The following CSMD1 variants were observed in gnomAD, a reference collection of about 807,000 sequenced individuals.
CSMD1 encodes CUB and sushi domain-containing protein 1.
Under a neutral mutation model 417.5 loss-of-function variants are expected in CSMD1, and 213 were observed. The ratio of observed to expected loss-of-function variants is 0.51; its 90% CI spans 0.46 to 0.57. The LOEUF is 0.57. CSMD1 is among the 20% of genes least tolerant of loss of function. CSMD1 has a pLI of 0.00. For missense variants in CSMD1, 6,923 were observed against 4,529.7 expected (o/e 1.53, Z -15.17); for synonymous variants, 2,862 against 1,736.8 (o/e 1.65, Z -16.11).
chr8:4,216,362 A>T lies in CSMD1; in HGVS notation c.416-184263T>A, dbSNP rs183435685. Among the ~76,000 whole-genome samples, 288 of 152,248 alleles carry T rather than the reference A, an allele frequency of 1.9e-3. 2 individuals are homozygous for T. The highest frequency in any genetic ancestry group is 6.7e-3 in the African/African-American group (277 of 41,528). On this transcript the variant is annotated intron_variant, in intron 3 of 69. Transcript: ENST00000635120. Reference sequence around the variant, plus strand: ...CAGTTCCCTTGATCTCATCACTTTTAACATGGTGCACACACCATCAGAATA... The same window carrying T: ...CAGTTCCCTTGATCTCATCACTTTTTACATGGTGCACACACCATCAGAATA...
At chr8:4,843,535 G>C (rs1052624265) in intron 1 of CSMD1, among the ~76,000 whole-genome samples, 1 of 152,082 alleles carries the variant, frequency 6.6e-6, no homozygotes, top group Non-Finnish European at 1.5e-5. Flanking sequence ...GCACCTCCAA[G>C]TCTTCACCAT....
At chr8:4,026,810 T>C (rs969380861) in intron 4 of CSMD1, among the ~76,000 whole-genome samples, 8 of 152,236 alleles carry the variant, frequency 5.3e-5, no homozygotes, top group Admixed American at 3.9e-4. Flanking sequence ...TTAAGATTTA[T>C]GGCTGTAGGG....
intron 2 of CSMD1, among the ~76,000 whole-genome samples, chr8:4,541,843 T>G (rs530843690): frequency 6.6e-6 from 1 of 152,202 alleles, no homozygotes; most frequent in South Asian, 2.1e-4. Flanking sequence ...GACAAAACTG[T>G]ACAGTCAGCA....
chr8:4,837,571 C>T (rs1054338904), intron 1 of CSMD1, among the ~76,000 whole-genome samples: 2 of 151,992 alleles, frequency 1.3e-5, no homozygotes, highest in Non-Finnish European at 2.9e-5. Flanking sequence ...CAATTAAGCT[C>T]ATGAACATAG....
At chr8:4,573,527 T>C (rs904209114) in intron 2 of CSMD1, among the ~76,000 whole-genome samples, 4 of 152,136 alleles carry the variant, frequency 2.6e-5, no homozygotes, top group Non-Finnish European at 4.4e-5. Context: ...AGAGATGCCA[T>C]CCGGAGCTCT....
intron 3 of CSMD1, among the ~76,000 whole-genome samples, chr8:4,270,656 G>A (rs1007625430): frequency 1.3e-5 from 2 of 152,198 alleles, no homozygotes; most frequent in Non-Finnish European, 1.5e-5. Flanking sequence ...AAGATCGCGT[G>A]TCTGCCAATG....
At chr8:3,445,848 G>A (rs117533410) in intron 12 of CSMD1, among the ~76,000 whole-genome samples, 2,032 of 152,278 alleles carry the variant, frequency 0.013, 20 homozygotes, top group Non-Finnish European at 0.022. Flanking sequence ...GAAAGAAAGA[G>A]TATAATTCAA....
intron 3 of CSMD1, among the ~76,000 whole-genome samples, chr8:4,162,222 G>A (rs1797215213): frequency 6.6e-6 from 1 of 152,118 alleles, no homozygotes; most frequent in African/African-American, 2.4e-5. Context: ...TAATTGTTAT[G>A]TTACCAGTAT....
At chr8:3,773,277 T>C (rs1430251451) in intron 5 of CSMD1, among the ~76,000 whole-genome samples, 2 of 152,118 alleles carry the variant, frequency 1.3e-5, no homozygotes, top group African/African-American at 2.4e-5. Context: ...AATTTGGGGA[T>C]ATAATAGGTT....
intron 3 of CSMD1, among the ~76,000 whole-genome samples, chr8:4,246,736 T>C (rs1207512093): frequency 6.6e-6 from 1 of 152,206 alleles, no homozygotes; most frequent in Non-Finnish European, 1.5e-5. Context: ...AATGATTGTA[T>C]TTATTTAAAT....
At chr8:3,396,071 T>C in intron 17 of CSMD1, 123 bp downstream of exon 17, 1 of 778,138 alleles carries the variant, frequency 1.3e-6, no homozygotes, top group Non-Finnish European at 2.1e-6. Context: ...AGTATGGTTT[T>C]GCTAGAGTCA....
At chr8:4,949,657 G>A (rs1211704040) in intron 1 of CSMD1, among the ~76,000 whole-genome samples, 2 of 152,186 alleles carry the variant, frequency 1.3e-5, no homozygotes, top group African/African-American at 4.8e-5. Flanking sequence ...CATGGCAATA[G>A]TGCCAAGGCT....
At chr8:4,133,768 T>G (rs562962219) in intron 3 of CSMD1, among the ~76,000 whole-genome samples, 1 of 152,300 alleles carries the variant, frequency 6.6e-6, no homozygotes, top group East Asian at 1.9e-4. Context: ...CCTGATAATC[T>G]GATTTAAATA....
At chr8:3,549,762 T>A (rs1333878652) in intron 10 of CSMD1, among the ~76,000 whole-genome samples, 1 of 152,132 alleles carries the variant, frequency 6.6e-6, no homozygotes, top group African/African-American at 2.4e-5. Context: ...TACAGTTCCT[T>A]GACTTTGAGT....
intron 10 of CSMD1, among the ~76,000 whole-genome samples, chr8:3,509,026 C>T (rs929832169): frequency 6.6e-6 from 1 of 152,208 alleles, no homozygotes. Flanking sequence ...TGCAAGCTAT[C>T]TGACCTTGGG....
At chr8:4,140,770 T>G (rs1438467012) in intron 3 of CSMD1, among the ~76,000 whole-genome samples, 1 of 150,962 alleles carries the variant, frequency 6.6e-6, no homozygotes, top group Non-Finnish European at 1.5e-5. Flanking sequence ...CCCTCCAGCT[T>G]TGCTCTCCCC....
chr8:3,280,790 A>AT (rs10626554), intron 26 of CSMD1, among the ~76,000 whole-genome samples: 99 of 91,452 alleles, frequency 1.1e-3, no homozygotes, highest in African/African-American at 2.1e-3. Context: ...AAACACTAAT[A>AT]ATTAATTATA....
chr8:3,579,904 G>C (rs904708682), intron 9 of CSMD1, among the ~76,000 whole-genome samples: 6 of 152,162 alleles, frequency 3.9e-5, no homozygotes, highest in Non-Finnish European at 8.8e-5. Context: ...AGGAGTTTGA[G>C]ACCAGCATGG....
At chr8:4,491,974 T>A (rs1244549399) in intron 2 of CSMD1, among the ~76,000 whole-genome samples, 1 of 151,098 alleles carries the variant, frequency 6.6e-6, no homozygotes, top group East Asian at 1.9e-4. Flanking sequence ...ACCAAGACAT[T>A]CATTAATAGA....
Sources: gnomAD v4.1 joint callset for allele counts (sites outside exome capture counted in the v4.1 genomes callset) on GRCh38, gnomAD v4.1.1 for gene constraint, MANE v1.5 for transcripts, NCBI Gene and HGNC (gene_info 2026-07-23, HGNC 2026-07-21) for gene names.